The following NCOA2 variants were observed in gnomAD, a reference collection of about 807,000 sequenced individuals.
NCOA2 encodes class E basic helix-loop-helix protein 75.
A neutral mutation model predicts 145.1 loss-of-function variants in NCOA2; 21 were observed. The ratio of observed to expected loss-of-function variants is 0.14; its 90% CI spans 0.10 to 0.21. The LOEUF (loss-of-function observed/expected upper bound fraction) is 0.21. NCOA2 is among the 10% of genes least tolerant of loss of function. The pLI is 1.00. For missense variants in NCOA2, 1,472 were observed against 1,837.6 expected (o/e 0.80, Z 3.64); for synonymous variants, 619 against 637.5 (o/e 0.97, Z 0.44).
intron 1 of NCOA2, among the ~76,000 whole-genome samples, chr8:70,370,368 T>C (rs1386629859): frequency 6.6e-6 from 1 of 152,216 alleles, no homozygotes; most frequent in Non-Finnish European, 1.5e-5. Context: ...TAAAAACTTT[T>C]ACTGTACTTC....
At chr8:70,412,647 CAAAAAAAAAA>C in the NCOA2 span, among the ~76,000 whole-genome samples, 1 of 48,304 alleles carries the variant, frequency 2.1e-5, no homozygotes, top group Non-Finnish European at 4.1e-5. Flanking sequence ...TACTTCGTCT[CAAAAAAAAAA>C]AAAAAAAAAA....
At chr8:70,228,934 C>G (rs1820900439) in intron 2 of NCOA2, among the ~76,000 whole-genome samples, 2 of 152,128 alleles carry the variant, frequency 1.3e-5, no homozygotes, top group South Asian at 4.2e-4. Flanking sequence ...TCAGAGACAC[C>G]ACGACACAGT....
the NCOA2 span, among the ~76,000 whole-genome samples, chr8:70,444,829 G>A: frequency 2.0e-5 from 3 of 152,100 alleles, no homozygotes; most frequent in Middle Eastern, 3.2e-3. Context: ...TAATTCTGAA[G>A]GGGCACCCCA....
At chr8:70,133,220 T>G (rs960088315) in intron 15 of NCOA2, among the ~76,000 whole-genome samples, 6 of 149,664 alleles carry the variant, frequency 4.0e-5, no homozygotes, top group Non-Finnish European at 5.9e-5. Context: ...TTTTTTTTTT[T>G]GGTAAAGACA....
intron 9 of NCOA2, among the ~76,000 whole-genome samples, chr8:70,161,526 AG>A (rs1316019237): frequency 2.0e-5 from 3 of 152,158 alleles, no homozygotes; most frequent in African/African-American, 7.2e-5. Context: ...GAATAAGATG[AG>A]GGGAAAAAAA....
intron 2 of NCOA2, among the ~76,000 whole-genome samples, chr8:70,280,912 G>A (rs1430787949): frequency 2.6e-5 from 4 of 151,940 alleles, no homozygotes; most frequent in Admixed American, 2.6e-4. Flanking sequence ...TGGGAGGCCA[G>A]TGTGAGCTCT....
chr8:70,145,402 G>A (rs1342954072), intron 12 of NCOA2, among the ~76,000 whole-genome samples: 4 of 150,702 alleles, frequency 2.7e-5, no homozygotes, highest in Non-Finnish European at 5.9e-5. Flanking sequence ...TCGGCTCACT[G>A]CAACCTCTGC....
chr8:70,293,429 T>C (rs1380077958), intron 2 of NCOA2, among the ~76,000 whole-genome samples: 7 of 152,220 alleles, frequency 4.6e-5, no homozygotes. Flanking sequence ...TATGCTTAAT[T>C]TTTAGTATAT....
At chr8:70,344,865 A>G (rs1435908333) in intron 1 of NCOA2, among the ~76,000 whole-genome samples, 4 of 152,176 alleles carry the variant, frequency 2.6e-5, no homozygotes, top group Admixed American at 2.6e-4. Flanking sequence ...TAAGTGTCTC[A>G]AGAAGACAAT....
chr8:70,332,514 G>A (rs1023503099), intron 1 of NCOA2, among the ~76,000 whole-genome samples: 3 of 152,088 alleles, frequency 2.0e-5, no homozygotes, highest in African/African-American at 4.8e-5. Context: ...AGAAAAGTCT[G>A]CCAAAATCCC....
At chr8:70,341,208 C>A (rs1015495418) in intron 1 of NCOA2, among the ~76,000 whole-genome samples, 4 of 151,746 alleles carry the variant, frequency 2.6e-5, no homozygotes, top group African/African-American at 7.3e-5. Context: ...TATAGTGAGA[C>A]CCTATCTCTA....
At chr8:70,438,097 T>G in the NCOA2 span, among the ~76,000 whole-genome samples, 4 of 152,370 alleles carry the variant, frequency 2.6e-5, no homozygotes, top group East Asian at 7.7e-4. Context: ...ACTCCTTCAA[T>G]GGCCTAATAT....
intron 1 of NCOA2, among the ~76,000 whole-genome samples, chr8:70,377,062 G>C (rs7012908): frequency 8.0e-6 from 1 of 125,526 alleles, no homozygotes; most frequent in African/African-American, 4.7e-5. Context: ...CTTATACGTT[G>C]TGTTTTTTTT....
rs574203541 is a variant in NCOA2, at chr8:70,273,368, G to A, written c.-20+23376C>T. 23 of 673,012 alleles carry A rather than the reference G, an allele frequency of 3.4e-5. No homozygotes were observed. In the East Asian group the frequency reaches 7.0e-4, roughly 20 times the overall value. 41.7% of individuals were successfully genotyped at this position (673,012 alleles called of 1,614,324 possible). A position where few individuals can be genotyped will look rare whatever the true frequency, so the allele number is the denominator to read the frequency against. On this transcript the variant is annotated intron_variant, in intron 2 of 22. Transcript: ENST00000452400. ...CCCCGCGCAGCCCCTTATCCGCTGC[G>A]ACAAGATGAAAGAAACAATCATGAA...
intron 4 of NCOA2, among the ~76,000 whole-genome samples, chr8:70,203,204 A>G (rs1050877307): frequency 1.3e-5 from 2 of 148,706 alleles, no homozygotes; most frequent in African/African-American, 5.0e-5. Context: ...CAGAGGTTGC[A>G]GTGAGCCGAG....
intron 1 of NCOA2, among the ~76,000 whole-genome samples, chr8:70,403,022 C>G (rs1814497684): frequency 1.4e-5 from 2 of 148,024 alleles, no homozygotes; most frequent in African/African-American, 4.9e-5. Flanking sequence ...GGCCACCCGC[C>G]GGGCCGCGGC....
chr8:70,361,133 T>C (rs16936942), intron 1 of NCOA2, among the ~76,000 whole-genome samples: 12,510 of 152,204 alleles, frequency 0.082, 590 homozygotes, highest in East Asian at 0.13. Context: ...ACCCTGATCT[T>C]AATCTGTTAT....
chr8:70,307,070 A>G (rs538523268), intron 1 of NCOA2, among the ~76,000 whole-genome samples: 1 of 152,152 alleles, frequency 6.6e-6, no homozygotes, highest in South Asian at 2.1e-4. Flanking sequence ...CCAACTCCTT[A>G]TTCCCTCAAA....
At chr8:70,302,704 C>G (rs1827599637) in intron 1 of NCOA2, among the ~76,000 whole-genome samples, 1 of 152,076 alleles carries the variant, frequency 6.6e-6, no homozygotes, top group Non-Finnish European at 1.5e-5. Context: ...TTAAGATGTT[C>G]TTTTGTTATT....
Sources: gnomAD v4.1 joint callset for allele counts (sites outside exome capture counted in the v4.1 genomes callset) on GRCh38, gnomAD v4.1.1 for gene constraint, MANE v1.5 for transcripts, NCBI Gene and HGNC (gene_info 2026-07-23, HGNC 2026-07-21) for gene names.